Variants in DPP10 observed in about 807,000 individuals in gnomAD.
DPP10 encodes dipeptidyl peptidase like 10, also known as inactive dipeptidyl peptidase 10.
DPP10 carries 33 observed loss-of-function variants against 120.9 expected under a neutral mutation model. The observed-to-expected ratio is 0.27, with a 90% confidence interval of 0.21 to 0.37. The LOEUF is 0.37. Among genes scored for constraint, DPP10 ranks in the 10% least tolerant of loss-of-function variants. The pLI, the probability that DPP10 is intolerant of heterozygous loss-of-function variation, is 1.00. For synonymous variants in DPP10, 337 were observed against 326.1 expected (o/e 1.03, Z -0.36); for missense variants, 816 against 942.8 (o/e 0.87, Z 1.76).
chr2:115,676,510 G>A (rs1405492794), intron 5 of DPP10, among the ~76,000 whole-genome samples: 1 of 151,798 alleles, frequency 6.6e-6, no homozygotes, highest in African/African-American at 2.4e-5. Context: ...TATTAAAAAA[G>A]AACCAAACAG....
chr2:115,454,420 T>C (rs1340041876), intron 3 of DPP10, among the ~76,000 whole-genome samples: 1 of 151,702 alleles, frequency 6.6e-6, no homozygotes, highest in Admixed American at 6.6e-5. Flanking sequence ...ACAGTCAAGG[T>C]TGGTTTGTCA....
At chr2:114,460,562 CTTAT>C (rs1262330505) in intron 1 of DPP10, among the ~76,000 whole-genome samples, 8 of 152,192 alleles carry the variant, frequency 5.3e-5, no homozygotes, top group African/African-American at 1.9e-4. Context: ...GTACATTTAA[CTTAT>C]TTATGACACA....
At chr2:114,909,428 T>C (rs981776290) in intron 1 of DPP10, among the ~76,000 whole-genome samples, 3 of 152,062 alleles carry the variant, frequency 2.0e-5, no homozygotes, top group East Asian at 1.9e-4. Context: ...TTGAGGCATC[T>C]GTGAATCTCC....
At position 114,477,975 on chromosome 2, in the gene DPP10, G is replaced by T. The variant is rs979685447; in HGVS notation, c.60+35137G>T. 2.7e-5 allele frequency among the ~76,000 whole-genome samples: 4 copies of T among 150,238 alleles called. No individual in the cohort carries two copies. In the East Asian group the frequency reaches 7.8e-4, roughly 29 times the overall value. ...TATATGTGTGTATATGTATATATGT[G>T]TATATATGTACATATATGTGTATAT... On this transcript the variant is annotated intron_variant, in intron 1 of 25. Coordinates refer to ENST00000410059, the MANE Select transcript of DPP10 (RefSeq NM_020868.6).
At chr2:114,986,995 G>T (rs1373159305) in intron 1 of DPP10, among the ~76,000 whole-genome samples, 1 of 152,000 alleles carries the variant, frequency 6.6e-6, no homozygotes, top group Admixed American at 6.6e-5. Context: ...GGCCAGGCTT[G>T]TCTCGAACTC....
chr2:115,265,268 C>CATATATATATATATATATATATAT (rs55778302), intron 1 of DPP10, among the ~76,000 whole-genome samples: 14 of 142,500 alleles, frequency 9.8e-5, no homozygotes, highest in African/African-American at 2.3e-4. Context: ...CTTTGGATTC[C>CATATATATATATATATATATATAT]ATATATATAT....
chr2:114,942,283 AT>A (rs1696963731), intron 1 of DPP10, among the ~76,000 whole-genome samples: 1 of 140,012 alleles, frequency 7.1e-6, no homozygotes, highest in African/African-American at 2.7e-5. Flanking sequence ...AAAAAAAAAA[AT>A]GTGTATATAT....
intron 1 of DPP10, among the ~76,000 whole-genome samples, chr2:115,278,878 T>G (rs1315644632): frequency 4.6e-5 from 7 of 152,126 alleles, no homozygotes; most frequent in Non-Finnish European, 8.8e-5. Flanking sequence ...TTTTTTGTTT[T>G]TTAAAGCTTT....
intron 5 of DPP10, among the ~76,000 whole-genome samples, chr2:115,647,500 C>T (rs1484412360): frequency 1.3e-5 from 2 of 151,764 alleles, no homozygotes; most frequent in Non-Finnish European, 2.9e-5. Flanking sequence ...AATGTTTAAA[C>T]AATAACAAGG....
At chr2:115,502,647 T>A (rs2076740487) in intron 4 of DPP10, among the ~76,000 whole-genome samples, 2 of 152,132 alleles carry the variant, frequency 1.3e-5, no homozygotes, top group African/African-American at 4.8e-5. Flanking sequence ...TAAACATAAG[T>A]CCAAGCCCCA....
intron 3 of DPP10, among the ~76,000 whole-genome samples, chr2:115,390,512 T>A (rs1298285774): frequency 6.6e-6 from 1 of 152,098 alleles, no homozygotes; most frequent in Non-Finnish European, 1.5e-5. Flanking sequence ...TTATTGCCCT[T>A]TTTGCTCCAC....
In DPP10 at chr2:115,024,833, A is replaced by ATG. The variant is rs1238269963; in HGVS notation, c.61-284394_61-284393dup. Reference sequence around the variant, plus strand: ...TATGTTTAAGGCTGTATGGCCATATATGTGTGTGTGTGTATCTATATATAT... The same window carrying ATG: ...TATGTTTAAGGCTGTATGGCCATATATGTGTGTGTGTGTGTATCTATATATAT... On this transcript the variant is annotated intron_variant, in intron 1 of 25. Coordinates refer to ENST00000410059, the MANE Select transcript of DPP10 (RefSeq NM_020868.6). Among the ~76,000 whole-genome samples, 78 of 148,076 alleles carry ATG rather than the reference A, an allele frequency of 5.3e-4. 1 individual carries two copies. The highest frequency in any genetic ancestry group is 1.7e-3 in the African/African-American group (70 of 40,668).
chr2:115,333,004 C>T (rs368328164), intron 2 of DPP10, among the ~76,000 whole-genome samples: 8 of 151,712 alleles, frequency 5.3e-5, no homozygotes, highest in South Asian at 2.1e-4. Flanking sequence ...CGTTGATCTG[C>T]CTAATGTTGA....
At chr2:115,092,191 T>C (rs995356940) in intron 1 of DPP10, among the ~76,000 whole-genome samples, 2 of 152,220 alleles carry the variant, frequency 1.3e-5, no homozygotes, top group Non-Finnish European at 1.5e-5. Flanking sequence ...TCTGTTTGAC[T>C]CCAATGACTA....
chr2:115,742,792 T>C (rs1197130494), intron 9 of DPP10, among the ~76,000 whole-genome samples: 1 of 152,052 alleles, frequency 6.6e-6, no homozygotes, highest in East Asian at 1.9e-4. Flanking sequence ...ACACATAGAG[T>C]TTATACTAAA....
At chr2:115,654,338 A>G (rs1310479444) in intron 5 of DPP10, among the ~76,000 whole-genome samples, 1 of 151,960 alleles carries the variant, frequency 6.6e-6, no homozygotes, top group Non-Finnish European at 1.5e-5. Flanking sequence ...AAACCTTATT[A>G]AAATTCCATT....
chr2:114,910,575 T>C (rs1282290479), intron 1 of DPP10, among the ~76,000 whole-genome samples: 1 of 152,120 alleles, frequency 6.6e-6, no homozygotes, highest in Non-Finnish European at 1.5e-5. Flanking sequence ...GATTTCTATT[T>C]ACTAAGCAGT....
In DPP10 at chr2:115,791,099, G is replaced by A. The variant is rs13421193; in HGVS notation, c.1550G>A (p.Ser517Asn). The A allele has an allele frequency of 7.3e-3, 11,803 of 1,612,502 alleles. 743 individuals carry two copies. In the African/African-American group the frequency reaches 0.14, roughly 19 times the overall value. The stretch of plus-strand genomic sequence containing the variant: ...TTTACAGAATATTTTATATTGGAAA[G>A]CAATTCTATGCTGAAGGAAGCTATC... ...DNPAKYFILE[S>N]NSMLKEAILK... is the part of the protein sequence containing the mutation. Residue 517 changes from serine (S) to asparagine (N), a missense_variant, in exon 18 of 26, where the codon AGC (serine) becomes AAC (asparagine). By Grantham distance (46) the Ser-to-Asn change is conservative (BLOSUM62 1). Coordinates refer to ENST00000410059, the MANE Select transcript of DPP10 (RefSeq NM_020868.6).
At chr2:115,346,385 T>C (rs1276095281) in intron 3 of DPP10, among the ~76,000 whole-genome samples, 1 of 152,156 alleles carries the variant, frequency 6.6e-6, no homozygotes, top group Non-Finnish European at 1.5e-5. Context: ...GAGGTCATCA[T>C]AGAAGTGCTT....
Sources: allele counts gnomAD v4.1 joint callset (sites outside exome capture counted in the v4.1 genomes callset), GRCh38; gene constraint gnomAD v4.1.1; transcripts MANE v1.5; gene names NCBI Gene and HGNC (gene_info 2026-07-23, HGNC 2026-07-21).